Variants in TRIM51G observed in about 807,000 individuals in gnomAD.
TRIM51G encodes tripartite motif-containing protein 51G.
chr11:48,982,947 G>GTGTGTA, the TRIM51G span, among the ~76,000 whole-genome samples: 3 of 86,134 alleles, frequency 3.5e-5, no homozygotes, highest in African/African-American at 1.4e-4. Context: ...AGTATTTTTG[G>GTGTGTA]TATATATACA....
the TRIM51G span, chr11:48,981,310 G>A: frequency 5.5e-5 from 88 of 1,606,032 alleles, no homozygotes; most frequent in East Asian, 6.7e-5. Flanking sequence ...AGCCCACTCA[G>A]TGGGACAGTG....
At chr11:48,979,990 T>A in the TRIM51G span, among the ~76,000 whole-genome samples, 1 of 151,858 alleles carries the variant, frequency 6.6e-6, no homozygotes, top group Non-Finnish European at 1.5e-5. Context: ...TCATCCCCAG[T>A]CCCTGGACTC....
the TRIM51G span, chr11:48,980,767 G>A: frequency 2.7e-6 from 1 of 371,524 alleles, no homozygotes; most frequent in Non-Finnish European, 5.5e-6. Context: ...TAAAAAATTA[G>A]GGTGTTTTTT....
chr11:48,976,954 G>A, the TRIM51G span: 1 of 553,610 alleles, frequency 1.8e-6, no homozygotes, highest in African/African-American at 1.9e-5. Flanking sequence ...AGATATAAAA[G>A]TGTTGTATCG....
the TRIM51G span, chr11:48,981,097 C>G: frequency 2.0e-6 from 2 of 1,015,258 alleles, no homozygotes; most frequent in African/African-American, 3.3e-5. Context: ...ACAAATTAGC[C>G]CACAGAAAAT....
chr11:48,981,840 G>GA, the TRIM51G span: 1 of 945,410 alleles, frequency 1.1e-6, no homozygotes, highest in Admixed American at 2.3e-5. Context: ...TAACAAAAAT[G>GA]AAAAATTCAT....
At chr11:48,981,520 G>C in the TRIM51G span, 1 of 1,604,568 alleles carries the variant, frequency 6.2e-7, no homozygotes, top group East Asian at 2.2e-5. Flanking sequence ...TCTCTGCCGT[G>C]TTGTCTTCTT....
At chr11:48,981,224 A>G in the TRIM51G span, 27 of 1,592,920 alleles carry the variant, frequency 1.7e-5, no homozygotes, top group African/African-American at 2.7e-5. Context: ...CTCGAAGGAA[A>G]TAGGCTGACA....
chr11:48,980,372 T>A, the TRIM51G span, among the ~76,000 whole-genome samples: 2 of 152,160 alleles, frequency 1.3e-5, no homozygotes, highest in Non-Finnish European at 2.9e-5. Context: ...AAGACACAAG[T>A]CTACATTTCT....
the TRIM51G span, among the ~76,000 whole-genome samples, chr11:48,978,695 C>T: frequency 7.9e-5 from 12 of 152,176 alleles, no homozygotes; most frequent in Non-Finnish European, 1.3e-4. Context: ...GAGGGACCTT[C>T]GGTCTGGTAG....
At chr11:48,977,388 A>T in the TRIM51G span, among the ~76,000 whole-genome samples, 1 of 152,190 alleles carries the variant, frequency 6.6e-6, no homozygotes, top group Non-Finnish European at 1.5e-5. Flanking sequence ...CTGAGAATTT[A>T]TTCGGATCTT....
At chr11:48,978,046 A>C in the TRIM51G span, 1 of 470,004 alleles carries the variant, frequency 2.1e-6, no homozygotes, top group South Asian at 1.5e-5. Flanking sequence ...GGTAGTATCA[A>C]TATCTGAATC....
chr11:48,975,527 A>C, the TRIM51G span: 1 of 1,396,378 alleles, frequency 7.2e-7, no homozygotes, highest in Non-Finnish European at 1.0e-6. Context: ...ATGATAGGCC[A>C]GAGAGGAGGT....
At chr11:48,982,026 G>A in the TRIM51G span, among the ~76,000 whole-genome samples, 268 of 152,188 alleles carry the variant, frequency 1.8e-3, no homozygotes, top group African/African-American at 5.9e-3. Flanking sequence ...AAACATGCTT[G>A]TCCCTATTTC....
At chr11:48,981,810 G>A in the TRIM51G span, 224,743 of 1,115,250 alleles carry the variant, frequency 0.2, 25,491 homozygotes, top group South Asian at 0.42. Flanking sequence ...TCATTAAAGC[G>A]GAACAAACTA....
chr11:48,975,791 C>A, the TRIM51G span: 1 of 1,557,438 alleles, frequency 6.4e-7, no homozygotes, highest in Non-Finnish European at 8.8e-7. Flanking sequence ...TTACAGACAC[C>A]AAAAGCCCAA....
the TRIM51G span, chr11:48,975,905 C>T: frequency 9.0e-6 from 7 of 781,758 alleles, no homozygotes; most frequent in African/African-American, 1.7e-5. Flanking sequence ...ATATTGGGAT[C>T]ATGTTGAGGG....
At chr11:48,979,051 C>T in the TRIM51G span, 1 of 917,274 alleles carries the variant, frequency 1.1e-6, no homozygotes, top group Non-Finnish European at 1.8e-6. Flanking sequence ...AAAAATGCAA[C>T]CATCTTATGA....
At chr11:48,979,702 A>C in the TRIM51G span, among the ~76,000 whole-genome samples, 48 of 151,814 alleles carry the variant, frequency 3.2e-4, no homozygotes, top group African/African-American at 1.2e-3. Flanking sequence ...CATATTTCTC[A>C]TATATGTACT....
Sources: gnomAD v4.1 joint callset for allele counts (sites outside exome capture counted in the v4.1 genomes callset) on GRCh38, gnomAD v4.1.1 for gene constraint, MANE v1.5 for transcripts, NCBI Gene and HGNC (gene_info 2026-07-23, HGNC 2026-07-21) for gene names.